CSMD3: variants seen among roughly 807,000 people sequenced by gnomAD.
The protein encoded by CSMD3 is CUB and Sushi multiple domains 3.
A neutral mutation model predicts 435.2 loss-of-function variants in CSMD3; 177 were observed. The ratio of observed to expected loss-of-function variants is 0.41; its 90% CI spans 0.36 to 0.46. The LOEUF (loss-of-function observed/expected upper bound fraction) is 0.46. Ranked by LOEUF, CSMD3 falls within the 20% of genes least tolerant of loss-of-function variation. The probability of loss-of-function intolerance (pLI) is 0.34; values close to 1 mark genes in which losing one functional copy is unlikely to be tolerated. For synonymous variants in CSMD3, 1,656 were observed against 1,520.5 expected (o/e 1.09, Z -2.07); for missense variants, 4,265 against 4,504.6 (o/e 0.95, Z 1.52).
At chr8:112,777,178 T>G (rs1409044515) in intron 13 of CSMD3, among the ~76,000 whole-genome samples, 2 of 151,860 alleles carry the variant, frequency 1.3e-5, no homozygotes, top group Non-Finnish European at 2.9e-5. Context: ...TTGATAAAAT[T>G]CAGCAAACTT....
At chr8:113,144,017 A>C (rs1256215016) in intron 4 of CSMD3, among the ~76,000 whole-genome samples, 1 of 151,246 alleles carries the variant, frequency 6.6e-6, no homozygotes, top group Non-Finnish European at 1.5e-5. Context: ...ATCTCAAAAC[A>C]AAAGTTTAAT....
intron 4 of CSMD3, among the ~76,000 whole-genome samples, chr8:113,169,194 T>TCCCC (rs1306672099): frequency 6.6e-6 from 1 of 152,120 alleles, no homozygotes; most frequent in Non-Finnish European, 1.5e-5. Flanking sequence ...ATCAGTCATT[T>TCCCC]CTCTAACACA....
At chr8:113,266,798 C>T (rs1332881743) in intron 3 of CSMD3, among the ~76,000 whole-genome samples, 1 of 151,440 alleles carries the variant, frequency 6.6e-6, no homozygotes, top group Non-Finnish European at 1.5e-5. Flanking sequence ...TAGTAAGTAC[C>T]TTGTGTTTGA....
intron 2 of CSMD3, among the ~76,000 whole-genome samples, chr8:113,281,590 G>A (rs545862743): frequency 6.6e-6 from 1 of 151,898 alleles, no homozygotes; most frequent in African/African-American, 2.4e-5. Context: ...CAGATAGTTG[G>A]TTGGTGAGTT....
chr8:112,716,370 C>T (rs192195514), intron 13 of CSMD3, among the ~76,000 whole-genome samples: 37 of 151,894 alleles, frequency 2.4e-4, no homozygotes, highest in African/African-American at 8.4e-4. Context: ...CTAACAGAAA[C>T]GTGAAGGACT....
intron 25 of CSMD3, among the ~76,000 whole-genome samples, chr8:112,553,343 T>G (rs1563694964): frequency 6.6e-6 from 1 of 152,068 alleles, no homozygotes; most frequent in Non-Finnish European, 1.5e-5. Flanking sequence ...GCAATATAAT[T>G]AAAATTTTAT....
intron 4 of CSMD3, among the ~76,000 whole-genome samples, chr8:113,142,156 A>G (rs2091564725): frequency 6.6e-6 from 1 of 151,186 alleles, no homozygotes; most frequent in Non-Finnish European, 1.5e-5. Flanking sequence ...GTATTCATGG[A>G]TTGGACGACT....
intron 66 of CSMD3, among the ~76,000 whole-genome samples, chr8:112,238,224 C>T (rs1813780526): frequency 6.6e-6 from 1 of 151,828 alleles, no homozygotes; most frequent in East Asian, 1.9e-4. Flanking sequence ...GGTACCCAAC[C>T]CTCTTTGGAT....
At chr8:113,247,769 T>A (rs2093290752) in intron 3 of CSMD3, among the ~76,000 whole-genome samples, 1 of 152,146 alleles carries the variant, frequency 6.6e-6, no homozygotes, top group Non-Finnish European at 1.5e-5. Context: ...TCTTAAGCAA[T>A]GCATATTATG....
At chr8:112,361,246 T>G (rs1827170359) in intron 38 of CSMD3, among the ~76,000 whole-genome samples, 1 of 151,706 alleles carries the variant, frequency 6.6e-6, no homozygotes. Context: ...TATTTTTTAA[T>G]GGGATTGGAT....
chr8:112,392,813 A>G (rs1222756091), intron 35 of CSMD3, among the ~76,000 whole-genome samples: 4 of 151,774 alleles, frequency 2.6e-5, no homozygotes, highest in Non-Finnish European at 1.5e-5. Context: ...AAATCCTTCA[A>G]AAATTTCCCC....
chr8:113,039,714 G>C (rs866879706), intron 5 of CSMD3, among the ~76,000 whole-genome samples: 2 of 152,108 alleles, frequency 1.3e-5, no homozygotes, highest in African/African-American at 4.8e-5. Flanking sequence ...ATTGTATCAG[G>C]ACTATTTAAA....
At chr8:112,919,185 CT>C (rs1003541834) in intron 10 of CSMD3, among the ~76,000 whole-genome samples, 42 of 151,748 alleles carry the variant, frequency 2.8e-4, no homozygotes, top group East Asian at 9.7e-4. Flanking sequence ...TGAACATGTG[CT>C]TTTTTTATAC....
intron 51 of CSMD3, 82 bp from the exon 52 acceptor site, chr8:112,304,997 T>C (rs1192948903): frequency 2.0e-6 from 2 of 977,006 alleles, no homozygotes; most frequent in Admixed American, 3.9e-5. Flanking sequence ...TCCACTGACC[T>C]AATTCACTTA....
At chr8:113,413,871 C>T (rs576747146) in intron 1 of CSMD3, among the ~76,000 whole-genome samples, 3 of 152,000 alleles carry the variant, frequency 2.0e-5, no homozygotes, top group Admixed American at 1.3e-4. Flanking sequence ...GAATATTGAT[C>T]GAAAGTGTTC....
intron 13 of CSMD3, among the ~76,000 whole-genome samples, chr8:112,796,245 A>G (rs1172477801): frequency 6.6e-6 from 1 of 152,134 alleles, no homozygotes; most frequent in Non-Finnish European, 1.5e-5. Flanking sequence ...TATATTCTGC[A>G]ATATGATTAT....
At chr8:112,833,711 T>C (rs2079943679) in intron 11 of CSMD3, among the ~76,000 whole-genome samples, 1 of 151,908 alleles carries the variant, frequency 6.6e-6, no homozygotes, top group Admixed American at 6.6e-5. Context: ...TGTGTGTGTG[T>C]CTGTAGGTTT....
chr8:112,638,087 C>T (rs924310353), intron 21 of CSMD3, among the ~76,000 whole-genome samples: 1 of 151,082 alleles, frequency 6.6e-6, no homozygotes, highest in African/African-American at 2.4e-5. Flanking sequence ...CTAAGTAATA[C>T]TATTGTCTAT....
chr8:112,930,091 G>A (rs924218095), intron 9 of CSMD3, among the ~76,000 whole-genome samples: 1 of 152,066 alleles, frequency 6.6e-6, no homozygotes, highest in Middle Eastern at 3.2e-3. Flanking sequence ...ATGCTATATT[G>A]TTTAGGTTGG....
Sources: gnomAD v4.1 joint callset for allele counts (sites outside exome capture counted in the v4.1 genomes callset) on GRCh38, gnomAD v4.1.1 for gene constraint, MANE v1.5 for transcripts, NCBI Gene and HGNC (gene_info 2026-07-23, HGNC 2026-07-21) for gene names.